Variants in CACNA2D3 observed in about 807,000 individuals in gnomAD.
CACNA2D3 encodes voltage-dependent calcium channel subunit alpha-2/delta-3.
A neutral mutation model predicts 160.6 loss-of-function variants in CACNA2D3; 60 were observed. The observed-to-expected ratio is 0.37, with a 90% confidence interval of 0.30 to 0.46. The LOEUF is 0.46. Among genes scored for constraint, CACNA2D3 ranks in the 20% least tolerant of loss-of-function variants. CACNA2D3 has a pLI of 1.00. For missense variants in CACNA2D3, 1,205 were observed against 1,365.0 expected (o/e 0.88, Z 1.85); for synonymous variants, 558 against 492.9 (o/e 1.13, Z -1.75).
chr3:54,967,964 A>G (rs1702187014), intron 27 of CACNA2D3, among the ~76,000 whole-genome samples: 1 of 152,228 alleles, frequency 6.6e-6, no homozygotes, highest in South Asian at 2.1e-4. Context: ...AAACTAAGAC[A>G]CATTATAGTA....
intron 27 of CACNA2D3, among the ~76,000 whole-genome samples, chr3:54,909,623 A>G (rs1037846146): frequency 1.3e-5 from 2 of 149,120 alleles, no homozygotes; most frequent in Admixed American, 6.7e-5. Context: ...TTCTTAAAAC[A>G]TTATGAGATT....
intron 27 of CACNA2D3, among the ~76,000 whole-genome samples, chr3:54,905,467 A>G (rs1700431651): frequency 6.6e-6 from 1 of 152,206 alleles, no homozygotes; most frequent in Non-Finnish European, 1.5e-5. Flanking sequence ...GGGATCTCAC[A>G]TATTTGGTAT....
chr3:54,793,265 G>A (rs1403854262), intron 13 of CACNA2D3, among the ~76,000 whole-genome samples: 3 of 152,206 alleles, frequency 2.0e-5, no homozygotes, highest in Non-Finnish European at 2.9e-5. Context: ...TTTACCACCC[G>A]ATATCTCCTG....
intron 4 of CACNA2D3, among the ~76,000 whole-genome samples, chr3:54,401,825 G>A (rs1471584215): frequency 6.6e-6 from 1 of 152,046 alleles, no homozygotes; most frequent in Non-Finnish European, 1.5e-5. Context: ...AAAATTCAAT[G>A]GTAAAGGTCA....
chr3:54,364,976 A>G (rs1698805034), intron 3 of CACNA2D3, among the ~76,000 whole-genome samples: 2 of 152,238 alleles, frequency 1.3e-5, no homozygotes, highest in African/African-American at 4.8e-5. Flanking sequence ...GGTAGATTGA[A>G]GACAAATTTT....
intron 17 of CACNA2D3, among the ~76,000 whole-genome samples, chr3:54,868,965 C>A (rs1403814671): frequency 6.6e-6 from 1 of 152,178 alleles, no homozygotes; most frequent in South Asian, 2.1e-4. Context: ...CCTTTCTTTG[C>A]CATGGAGGTG....
chr3:54,943,045 A>G (rs1244288112), intron 27 of CACNA2D3, among the ~76,000 whole-genome samples: 3 of 151,690 alleles, frequency 2.0e-5, no homozygotes, highest in Admixed American at 2.0e-4. Flanking sequence ...TAAAATAAAA[A>G]CTCAAAATTA....
intron 21 of CACNA2D3, among the ~76,000 whole-genome samples, chr3:54,884,718 C>G (rs17054509): frequency 0.037 from 5,631 of 152,296 alleles, 359 homozygotes; most frequent in African/African-American, 0.13. Context: ...TGACCGTTTT[C>G]ACTTAGGATC....
At chr3:54,537,093 C>CAGAGAG (rs35469509) in intron 5 of CACNA2D3, among the ~76,000 whole-genome samples, 3 of 148,440 alleles carry the variant, frequency 2.0e-5, no homozygotes, top group African/African-American at 7.5e-5. Context: ...GAAACCAAGG[C>CAGAGAG]AGAGAGAGAG....
chr3:55,004,609 T>C (rs552819621), intron 31 of CACNA2D3, among the ~76,000 whole-genome samples, 154 bp from the exon 32 acceptor site: 2 of 152,378 alleles, frequency 1.3e-5, no homozygotes, highest in Admixed American at 1.3e-4. Flanking sequence ...CACTGGCCTT[T>C]GCCAGGCTCC....
At chr3:54,418,520 C>G (rs1575444624) in intron 4 of CACNA2D3, among the ~76,000 whole-genome samples, 1 of 152,168 alleles carries the variant, frequency 6.6e-6, no homozygotes. Flanking sequence ...CAGAATGCCT[C>G]TTCGATTACA....
At chr3:54,331,051 A>G (rs893398987) in intron 3 of CACNA2D3, among the ~76,000 whole-genome samples, 3 of 152,164 alleles carry the variant, frequency 2.0e-5, no homozygotes, top group African/African-American at 7.2e-5. Flanking sequence ...ATTCATTTTC[A>G]TGGGAATTTC....
At chr3:54,498,157 G>A (rs184267851) in intron 4 of CACNA2D3, among the ~76,000 whole-genome samples, 10 of 151,324 alleles carry the variant, frequency 6.6e-5, no homozygotes, top group African/African-American at 2.2e-4. Flanking sequence ...AAGATTGTTT[G>A]TATTTTTTTC....
At chr3:54,424,468 G>A (rs759402566) in intron 4 of CACNA2D3, among the ~76,000 whole-genome samples, 8 of 152,216 alleles carry the variant, frequency 5.3e-5, no homozygotes, top group Non-Finnish European at 8.8e-5. Flanking sequence ...CTCCTTTTGT[G>A]CCTGGATGTA....
chr3:54,375,059 C>T (rs1698987097), intron 3 of CACNA2D3, among the ~76,000 whole-genome samples: 1 of 152,172 alleles, frequency 6.6e-6, no homozygotes, highest in Non-Finnish European at 1.5e-5. Context: ...GAAGGCCCTT[C>T]CTTTGTTTTC....
At chr3:54,460,826 G>C (rs1700489750) in intron 4 of CACNA2D3, among the ~76,000 whole-genome samples, 1 of 152,164 alleles carries the variant, frequency 6.6e-6, no homozygotes. Flanking sequence ...AATAGGAGTG[G>C]TGAGAGAGGG....
chr3:54,299,180 C>T (rs148949293), intron 2 of CACNA2D3, among the ~76,000 whole-genome samples: 5 of 150,786 alleles, frequency 3.3e-5, no homozygotes, highest in Admixed American at 6.6e-5. Flanking sequence ...GAAATTCATG[C>T]GTCTTTACCT....
chr3:54,431,331 A>G (rs879693945), intron 4 of CACNA2D3, among the ~76,000 whole-genome samples: 84 of 151,820 alleles, frequency 5.5e-4, no homozygotes, highest in Non-Finnish European at 9.4e-4. Context: ...CCGTCTCAAA[A>G]AAAAAAAAAG....
At chr3:54,813,991 G>T (rs1422894712) in intron 13 of CACNA2D3, among the ~76,000 whole-genome samples, 1 of 150,384 alleles carries the variant, frequency 6.6e-6, no homozygotes, top group South Asian at 2.1e-4. Context: ...TCAGCCTCCC[G>T]AGTAGCTGGG....
Sources: gnomAD v4.1 joint callset for allele counts (sites outside exome capture counted in the v4.1 genomes callset) on GRCh38, gnomAD v4.1.1 for gene constraint, MANE v1.5 for transcripts, NCBI Gene and HGNC (gene_info 2026-07-23, HGNC 2026-07-21) for gene names.